Variants in ACVR1C observed in about 807,000 individuals in gnomAD.
ACVR1C encodes activin receptor type-1C.
A neutral mutation model predicts 57.9 loss-of-function variants in ACVR1C; 23 were observed. The observed-to-expected ratio is 0.40, with a 90% confidence interval of 0.29 to 0.56. The LOEUF (loss-of-function observed/expected upper bound fraction) is 0.56, where lower values mean the gene tolerates loss of function less well. Ranked by LOEUF, ACVR1C falls within the 20% of genes least tolerant of loss-of-function variation. ACVR1C has a pLI of 0.50. For missense variants in ACVR1C, 480 were observed against 607.9 expected (o/e 0.79, Z 2.21); for synonymous variants, 214 against 215.3 (o/e 0.99, Z 0.05).
chr2:157,608,070 G>C (rs973071462), intron 1 of ACVR1C, among the ~76,000 whole-genome samples: 12 of 151,764 alleles, frequency 7.9e-5, no homozygotes, highest in African/African-American at 2.9e-4. Flanking sequence ...CCAGTTCTTA[G>C]AGGAAAGGCT....
chr2:157,546,072 G>A (rs890375995), intron 4 of ACVR1C, among the ~76,000 whole-genome samples: 1 of 152,102 alleles, frequency 6.6e-6, no homozygotes, highest in Non-Finnish European at 1.5e-5. Context: ...GTGAGCCACC[G>A]TGCCTGGCCA....
chr2:157,537,949 C>A (rs1687527773), intron 8 of ACVR1C, among the ~76,000 whole-genome samples: 1 of 152,058 alleles, frequency 6.6e-6, no homozygotes, highest in Admixed American at 6.6e-5. Flanking sequence ...TGTGAGGGAG[C>A]TTTTCTAATG....
rs375427747 is a variant in ACVR1C at position 157,597,540 on chromosome 2, C to T, written c.74-10123G>A. On this transcript the variant is annotated intron_variant, in intron 1 of 8. Transcript: ENST00000243349. ...CGACAGCTCCCGCGGGGCTCGGCCA[C>T]CTGCCCGACGGCAGCGCAACCCCCA... The T allele has an allele frequency of 2.2e-5, 22 of 985,448 alleles. No homozygotes were observed. In the South Asian group the frequency reaches 8.9e-4, roughly 40 times the overall value. 61.0% of individuals were successfully genotyped at this position (985,448 alleles called of 1,614,324 possible). A position where few individuals can be genotyped will look rare whatever the true frequency, so the allele number is the denominator to read the frequency against.
chr2:157,597,651 G>A (rs1682166847), intron 1 of ACVR1C: 2 of 733,420 alleles, frequency 2.7e-6, no homozygotes, highest in East Asian at 2.6e-4. Context: ...TTTACAGAAT[G>A]ACCTCCACTC....
intron 3 of ACVR1C, among the ~76,000 whole-genome samples, chr2:157,555,160 G>A (rs1467330900): frequency 1.7e-5 from 2 of 119,706 alleles, no homozygotes; most frequent in Admixed American, 2.1e-4. Context: ...CACCCAGGCC[G>A]GACTGCGGAC....
intron 1 of ACVR1C, among the ~76,000 whole-genome samples, chr2:157,605,426 C>T (rs1383565152): frequency 1.3e-5 from 2 of 151,656 alleles, no homozygotes; most frequent in African/African-American, 4.8e-5. Context: ...TACGTAAATT[C>T]CTGCTGAGAT....
intron 3 of ACVR1C, among the ~76,000 whole-genome samples, chr2:157,553,651 G>T (rs574984857): frequency 6.6e-6 from 1 of 152,094 alleles, no homozygotes; most frequent in South Asian, 2.1e-4. Context: ...CAAAATGCAC[G>T]TTTTTATCTA....
chr2:157,541,421 T>C (rs1687623165), intron 6 of ACVR1C, among the ~76,000 whole-genome samples: 1 of 152,210 alleles, frequency 6.6e-6, no homozygotes, highest in Non-Finnish European at 1.5e-5. Context: ...AACAATTTTA[T>C]TACACATTGG....
intron 6 of ACVR1C, 37 bp from the exon 7 acceptor site, chr2:157,541,251 C>A (rs754596018): frequency 6.3e-7 from 1 of 1,582,732 alleles, no homozygotes; most frequent in Non-Finnish European, 8.6e-7. Flanking sequence ...CTGTCTATGA[C>A]TTTATAGCAG....
intron 2 of ACVR1C, among the ~76,000 whole-genome samples, chr2:157,585,606 G>A (rs867762896): frequency 2.0e-5 from 3 of 152,246 alleles, no homozygotes; most frequent in Middle Eastern, 3.4e-3. Context: ...ACAAGTCACT[G>A]CCACAGCTAA....
chr2:157,590,755 C>G (rs79260438), intron 1 of ACVR1C, among the ~76,000 whole-genome samples: 7,084 of 151,916 alleles, frequency 0.047, 311 homozygotes, highest in African/African-American at 0.11. Flanking sequence ...AGGCACTTTC[C>G]TTGCAAAAAG....
intron 2 of ACVR1C, among the ~76,000 whole-genome samples, chr2:157,586,240 GATATT>G (rs1314391288): frequency 2.0e-5 from 3 of 151,882 alleles, no homozygotes; most frequent in Admixed American, 2.0e-4. Context: ...TGGTGGTAGT[GATATT>G]ATATTTTATA....
intron 2 of ACVR1C, among the ~76,000 whole-genome samples, chr2:157,561,951 A>T (rs559408994): frequency 6.6e-6 from 1 of 152,214 alleles, no homozygotes; most frequent in Non-Finnish European, 1.5e-5. Context: ...AAGATCTACT[A>T]TGTAATATGT....
chr2:157,587,524 T>C lies in ACVR1C; in HGVS notation c.74-107A>G. On this transcript the variant is annotated intron_variant, in intron 1 of 8. Transcript: ENST00000243349. Reference sequence around the variant, plus strand: ...AATCTTAATGAAAATGGAAAAAGGGTTTAAATAAAAACACTTGCTAAACAC... The same window carrying C: ...AATCTTAATGAAAATGGAAAAAGGGCTTAAATAAAAACACTTGCTAAACAC... The C allele has an allele frequency of 5.8e-6, 5 of 867,600 alleles. No individual in the cohort carries two copies. In the South Asian group the frequency reaches 8.3e-5, roughly 14 times the overall value. 53.7% of individuals were successfully genotyped at this position (867,600 alleles called of 1,614,324 possible).
At chr2:157,544,940 A>G (rs1687715284) in intron 4 of ACVR1C, among the ~76,000 whole-genome samples, 2 of 152,228 alleles carry the variant, frequency 1.3e-5, no homozygotes, top group Admixed American at 1.3e-4. Context: ...AACCACTGAG[A>G]GATGCATTTA....
intron 1 of ACVR1C, among the ~76,000 whole-genome samples, chr2:157,613,855 C>T (rs532206970): frequency 6.6e-5 from 10 of 152,234 alleles, no homozygotes; most frequent in Middle Eastern, 3.4e-3. Context: ...TTAGGTTTCA[C>T]TGTAATACTG....
intron 1 of ACVR1C, among the ~76,000 whole-genome samples, chr2:157,619,424 G>A (rs557902548): frequency 7.2e-5 from 11 of 152,082 alleles, no homozygotes; most frequent in African/African-American, 2.4e-4. Context: ...AAACTTAGAA[G>A]TTAAATATGT....
chr2:157,588,517 C>G (rs1434643641), intron 1 of ACVR1C, among the ~76,000 whole-genome samples: 1 of 151,668 alleles, frequency 6.6e-6, no homozygotes, highest in Non-Finnish European at 1.5e-5. Context: ...GAAGTCTCAG[C>G]TTTCAGTGTA....
chr2:157,539,694 A>T (rs1687575396), intron 7 of ACVR1C, among the ~76,000 whole-genome samples: 1 of 152,230 alleles, frequency 6.6e-6, no homozygotes, highest in Non-Finnish European at 1.5e-5. Flanking sequence ...AAGGTACAAC[A>T]TTATTTCTGT....
Sources: gnomAD v4.1 joint callset for allele counts (sites outside exome capture counted in the v4.1 genomes callset) on GRCh38, gnomAD v4.1.1 for gene constraint, MANE v1.5 for transcripts, NCBI Gene and HGNC (gene_info 2026-07-23, HGNC 2026-07-21) for gene names.